Variants in PTN observed in about 807,000 individuals in gnomAD.
The protein encoded by PTN is heparin affin regulatory protein.
A neutral mutation model predicts 24.1 loss-of-function variants in PTN; 18 were observed. The observed-to-expected ratio is 0.75, with a 90% CI of 0.52 to 1.11. The LOEUF (loss-of-function observed/expected upper bound fraction) is 1.11. PTN is among the 50% of genes least tolerant of loss of function. The pLI, the probability that PTN is intolerant of heterozygous loss-of-function variation, is 0.00. For missense variants in PTN, 163 were observed against 198.8 expected (o/e 0.82, Z 1.08); for synonymous variants, 78 against 68.6 (o/e 1.14, Z -0.67).
intron 1 of PTN, among the ~76,000 whole-genome samples, chr7:137,271,959 C>T (rs1019171961): frequency 6.6e-6 from 1 of 152,202 alleles, no homozygotes; most frequent in African/African-American, 2.4e-5. Flanking sequence ...CCCATAATAT[C>T]TTTTCTCAAT....
intron 1 of PTN, among the ~76,000 whole-genome samples, chr7:137,262,707 G>A (rs989962832): frequency 6.6e-6 from 1 of 152,178 alleles, no homozygotes; most frequent in African/African-American, 2.4e-5. Flanking sequence ...AGCAAGCCAG[G>A]GGGTATGTGA....
chr7:137,302,935 CT>C (rs764555004), intron 1 of PTN, among the ~76,000 whole-genome samples: 5 of 150,778 alleles, frequency 3.3e-5, no homozygotes, highest in Non-Finnish European at 5.9e-5. Flanking sequence ...ATAACTATTG[CT>C]TGTATGGTCT....
intron 1 of PTN, among the ~76,000 whole-genome samples, chr7:137,341,028 G>A (rs561567615): frequency 5.9e-5 from 9 of 152,210 alleles, no homozygotes; most frequent in South Asian, 4.2e-4. Flanking sequence ...TCAACGAGCC[G>A]GGTAAACTCG....
chr7:137,231,457 C>T (rs1422701872), intron 4 of PTN, among the ~76,000 whole-genome samples: 2 of 151,868 alleles, frequency 1.3e-5, no homozygotes, highest in East Asian at 1.9e-4. Flanking sequence ...AAGCAGATTC[C>T]GTGCACAGAC....
chr7:137,293,209 A>C (rs1809667654), intron 1 of PTN, among the ~76,000 whole-genome samples: 1 of 152,110 alleles, frequency 6.6e-6, no homozygotes, highest in African/African-American at 2.4e-5. Flanking sequence ...CTTAGGCCTA[A>C]AACTGCTCAA....
intron 1 of PTN, among the ~76,000 whole-genome samples, chr7:137,271,288 A>T (rs1310264497): frequency 6.6e-6 from 1 of 152,234 alleles, no homozygotes; most frequent in Non-Finnish European, 1.5e-5. Flanking sequence ...TTTAAATTTA[A>T]ACATGATATC....
At chr7:137,252,436 A>G (rs772285367) in intron 3 of PTN, among the ~76,000 whole-genome samples, 4 of 151,674 alleles carry the variant, frequency 2.6e-5, no homozygotes, top group Non-Finnish European at 5.9e-5. Context: ...TTTACTGTTG[A>G]GTTTGAGAGT....
chr7:137,296,983 A>G (rs1563215851), intron 1 of PTN, among the ~76,000 whole-genome samples: 1 of 152,090 alleles, frequency 6.6e-6, no homozygotes, highest in East Asian at 1.9e-4. Context: ...AAAAGATTCA[A>G]AAAGTATTCC....
chr7:137,251,477 T>A (rs1039290010), intron 3 of PTN, 86 bp from the exon 4 acceptor site: 2 of 1,418,950 alleles, frequency 1.4e-6, no homozygotes, highest in Admixed American at 1.9e-5. Context: ...TGTTTGTAAC[T>A]TTTTTATTGA....
chr7:137,261,945 C>G (rs1000143526), intron 1 of PTN, among the ~76,000 whole-genome samples: 2 of 152,076 alleles, frequency 1.3e-5, no homozygotes, highest in African/African-American at 4.8e-5. Flanking sequence ...TTCTTTATGG[C>G]CAGTTTTTAC....
At chr7:137,253,170 C>T (rs983244551) in intron 3 of PTN, among the ~76,000 whole-genome samples, 11 of 152,102 alleles carry the variant, frequency 7.2e-5, no homozygotes, top group Non-Finnish European at 1.3e-4. Context: ...CAACAGGGTA[C>T]ATTTGGCCAT....
At chr7:137,258,122 A>C (rs1248007334) in intron 1 of PTN, among the ~76,000 whole-genome samples, 1 of 152,130 alleles carries the variant, frequency 6.6e-6, no homozygotes, top group Admixed American at 6.6e-5. Flanking sequence ...ATCCAGTTCT[A>C]TTCACTGATT....
chr7:137,276,035 T>C (rs1471596155), intron 1 of PTN, among the ~76,000 whole-genome samples: 5 of 152,206 alleles, frequency 3.3e-5, no homozygotes. Flanking sequence ...TCCCACATTA[T>C]TATGTATTTG....
chr7:137,229,503 C>G (rs931512787), intron 4 of PTN, among the ~76,000 whole-genome samples: 5 of 151,780 alleles, frequency 3.3e-5, no homozygotes, highest in African/African-American at 9.7e-5. Context: ...TATATACTAT[C>G]TTCATGACCT....
At chr7:137,337,689 A>T (rs1585050780) in intron 1 of PTN, among the ~76,000 whole-genome samples, 1 of 152,228 alleles carries the variant, frequency 6.6e-6, no homozygotes, top group Admixed American at 6.5e-5. Flanking sequence ...ACTGTAGAGA[A>T]CCAGCAAGCC....
chr7:137,266,042 C>A (rs549947577), intron 1 of PTN, among the ~76,000 whole-genome samples: 8 of 152,042 alleles, frequency 5.3e-5, no homozygotes, highest in African/African-American at 1.7e-4. Flanking sequence ...TTTAATAAAA[C>A]CTTGTAGACA....
chr7:137,229,371 T>C (rs1000777084), intron 4 of PTN, among the ~76,000 whole-genome samples: 1 of 151,744 alleles, frequency 6.6e-6, no homozygotes, highest in Non-Finnish European at 1.5e-5. Context: ...CACTGGAGCA[T>C]ACAGCCTGTG....
chr7:137,244,374 ATT>A (rs1242182641), intron 4 of PTN, among the ~76,000 whole-genome samples: 15,966 of 130,994 alleles, frequency 0.12, 922 homozygotes, highest in East Asian at 0.28. Flanking sequence ...TCTCCTCAGA[ATT>A]TTTTTTTTTT....
At chr7:137,268,232 C>T (rs1003467331) in intron 1 of PTN, among the ~76,000 whole-genome samples, 1 of 152,086 alleles carries the variant, frequency 6.6e-6, no homozygotes, top group African/African-American at 2.4e-5. Flanking sequence ...TCAGGATCCG[C>T]GTCGCTCCGG....
Sources: allele counts gnomAD v4.1 joint callset (sites outside exome capture counted in the v4.1 genomes callset), GRCh38; gene constraint gnomAD v4.1.1; transcripts MANE v1.5; gene names NCBI Gene and HGNC (gene_info 2026-07-23, HGNC 2026-07-21).